The following RANBP2 variants were observed in gnomAD, a reference collection of about 807,000 sequenced individuals.
RANBP2 encodes E3 SUMO-protein ligase RanBP2.
In RANBP2, 57 loss-of-function variants were observed where a neutral mutation model predicts 303.6. That is an observed-to-expected ratio of 0.19 (90% CI 0.15 to 0.23). The LOEUF is 0.23. Ranked by LOEUF, RANBP2 falls within the 10% of genes least tolerant of loss-of-function variation. The probability of loss-of-function intolerance (pLI) is 1.00; values close to 1 mark genes in which losing one functional copy is unlikely to be tolerated. For synonymous variants in RANBP2, 1,167 were observed against 1,301.5 expected, an observed-to-expected ratio of 0.90 and a Z score of 2.23; for missense variants, 3,138 against 3,780.8, an observed-to-expected ratio of 0.83 and a Z score of 4.46.
the RANBP2 span, chr2:108,876,466 A>G: frequency 2.9e-6 from 1 of 339,650 alleles, no homozygotes; most frequent in East Asian, 4.5e-5. Context: ...AATATACAAG[A>G]TGGCGTTTCT....
chr2:109,011,978 G>A, the RANBP2 span, among the ~76,000 whole-genome samples: 4 of 152,064 alleles, frequency 2.6e-5, no homozygotes, highest in Non-Finnish European at 4.4e-5. Context: ...CCTTTCTGAG[G>A]ACACTAATGC....
the RANBP2 span, among the ~76,000 whole-genome samples, chr2:109,430,396 C>T: frequency 6.6e-6 from 1 of 152,114 alleles, no homozygotes; most frequent in South Asian, 2.1e-4. Flanking sequence ...TGCACTCTTC[C>T]TCTCCTCTTC....
chr2:109,307,443 T>C, the RANBP2 span, among the ~76,000 whole-genome samples: 1 of 150,116 alleles, frequency 6.7e-6, no homozygotes, highest in African/African-American at 2.5e-5. Context: ...ATTATTATAC[T>C]TTAAGTTTTA....
the RANBP2 span, among the ~76,000 whole-genome samples, chr2:109,159,291 G>T: frequency 1.3e-5 from 2 of 152,178 alleles, no homozygotes; most frequent in Non-Finnish European, 2.9e-5. Flanking sequence ...CTCTCTCTCA[G>T]GACCGCTGCT....
chr2:109,273,808 T>C, the RANBP2 span, among the ~76,000 whole-genome samples: 1 of 152,144 alleles, frequency 6.6e-6, no homozygotes. Flanking sequence ...GATATGCTGC[T>C]TGAGACCAGG....
chr2:109,044,784 CGTGTT>C, the RANBP2 span, among the ~76,000 whole-genome samples: 1 of 151,958 alleles, frequency 6.6e-6, no homozygotes, highest in Non-Finnish European at 1.5e-5. Flanking sequence ...CTGTTCAACT[CGTGTT>C]GGGGCATTTT....
the RANBP2 span, among the ~76,000 whole-genome samples, chr2:108,926,501 C>G: frequency 1.3e-5 from 2 of 152,216 alleles, no homozygotes; most frequent in African/African-American, 2.4e-5. Context: ...TCATTTTCCT[C>G]CAACCGTGTT....
At chr2:109,232,433 TG>T in the RANBP2 span, among the ~76,000 whole-genome samples, 1 of 152,218 alleles carries the variant, frequency 6.6e-6, no homozygotes, top group African/African-American at 2.4e-5. Flanking sequence ...CTCTGAGCCC[TG>T]GTCTGCCTAT....
chr2:108,750,221 GTA>G (rs1391989487), intron 9 of RANBP2, among the ~76,000 whole-genome samples: 3 of 152,262 alleles, frequency 2.0e-5, no homozygotes, highest in African/African-American at 7.2e-5. Flanking sequence ...GGTTGTTTAT[GTA>G]TGATTTATCT....
the RANBP2 span, chr2:108,791,474 A>G: frequency 3.4e-6 from 2 of 591,554 alleles, no homozygotes; most frequent in East Asian, 7.4e-5. Flanking sequence ...ATGTGTAGAA[A>G]AAGATGCTTG....
the RANBP2 span, among the ~76,000 whole-genome samples, chr2:109,137,619 G>T: frequency 4.6e-5 from 7 of 152,202 alleles, no homozygotes; most frequent in Non-Finnish European, 5.9e-5. Context: ...ATACATTCAT[G>T]GGTGACTGCA....
chr2:108,844,196 C>G, the RANBP2 span, among the ~76,000 whole-genome samples: 9 of 151,970 alleles, frequency 5.9e-5, no homozygotes, highest in Admixed American at 5.9e-4. Context: ...CTGATTTTTC[C>G]TTTCCTGGAC....
At chr2:108,853,064 A>G in the RANBP2 span, among the ~76,000 whole-genome samples, 1 of 152,344 alleles carries the variant, frequency 6.6e-6, no homozygotes, top group African/African-American at 2.4e-5. Context: ...TACCTTAAGA[A>G]ATAATTGCAA....
chr2:109,468,516 T>C, the RANBP2 span, among the ~76,000 whole-genome samples: 4 of 152,124 alleles, frequency 2.6e-5, no homozygotes, highest in African/African-American at 9.7e-5. Context: ...AATGTTTCCA[T>C]GCGCCTGGCA....
chr2:109,436,692 A>G, the RANBP2 span, among the ~76,000 whole-genome samples: 1 of 152,154 alleles, frequency 6.6e-6, no homozygotes, highest in Non-Finnish European at 1.5e-5. Context: ...AATATTTCAC[A>G]CTGACAGTTT....
At chr2:109,666,238 G>A in the RANBP2 span, among the ~76,000 whole-genome samples, 1 of 151,980 alleles carries the variant, frequency 6.6e-6, no homozygotes, top group Non-Finnish European at 1.5e-5. Context: ...AAATTTTGGA[G>A]CACCTTACAT....
downstream of RANBP2, among the ~76,000 whole-genome samples, chr2:108,787,114 C>T (rs1437415311): frequency 6.6e-6 from 1 of 152,124 alleles, no homozygotes; most frequent in Non-Finnish European, 1.5e-5. Flanking sequence ...GGTGCCGCTT[C>T]ACCTATGCCT....
chr2:109,022,013 AG>A, the RANBP2 span, among the ~76,000 whole-genome samples: 2 of 152,208 alleles, frequency 1.3e-5, no homozygotes, highest in African/African-American at 4.8e-5. Flanking sequence ...TGGCCTGCAC[AG>A]AGTTTACACA....
At chr2:109,264,751 T>G in the RANBP2 span, among the ~76,000 whole-genome samples, 1 of 152,236 alleles carries the variant, frequency 6.6e-6, no homozygotes, top group East Asian at 1.9e-4. Context: ...CCAGGCCCAC[T>G]GGGCGGGCAT....
Sources: allele counts gnomAD v4.1 joint callset (sites outside exome capture counted in the v4.1 genomes callset), GRCh38; gene constraint gnomAD v4.1.1; transcripts MANE v1.5; gene names NCBI Gene and HGNC (gene_info 2026-07-23, HGNC 2026-07-21).